Variants in PAX2 observed in about 807,000 individuals in gnomAD.
PAX2 encodes the protein paired box protein Pax-2.
A neutral mutation model predicts 41.7 loss-of-function variants in PAX2; 9 were observed. The observed-to-expected ratio is 0.22, with a 90% CI of 0.13 to 0.38. The LOEUF (loss-of-function observed/expected upper bound fraction) is 0.38, where lower values mean the gene tolerates loss of function less well. Among genes scored for constraint, PAX2 ranks in the 10% least tolerant of loss-of-function variants. The probability of loss-of-function intolerance (pLI) is 1.00; values close to 1 mark genes in which losing one functional copy is unlikely to be tolerated. For missense variants in PAX2, 418 were observed against 531.6 expected (o/e 0.79, Z 2.10); for synonymous variants, 221 against 212.7 (o/e 1.04, Z -0.34).
chr10:100,760,034 A>T (rs1214616241), intron 3 of PAX2, among the ~76,000 whole-genome samples: 1 of 152,136 alleles, frequency 6.6e-6, no homozygotes, highest in African/African-American at 2.4e-5. Context: ...AGAAGCTTTG[A>T]TCCTGATTTT....
intron 7 of PAX2, among the ~76,000 whole-genome samples, chr10:100,821,726 T>A (rs2133979629): frequency 6.6e-6 from 1 of 152,328 alleles, no homozygotes; most frequent in Admixed American, 6.5e-5. Flanking sequence ...AAACCTTAGA[T>A]TATAAGGAAT....
chr10:100,749,728 T>C lies in PAX2; in HGVS notation c.44-18T>C. 1 of 1,605,486 alleles carries C rather than the reference T, an allele frequency of 6.2e-7. No individual in the cohort carries two copies. Among genetic ancestry groups the C allele is most frequent in the Non-Finnish European group, 8.5e-7 (1 of 1,174,202 alleles). On this transcript the variant is annotated intron_variant, in intron 1 of 9. Coordinates refer to ENST00000355243, the MANE Select transcript of PAX2 (RefSeq NM_000278.5). Reference sequence around the variant, plus strand: ...TGCTGTGTGTGGGGTGTTGTGTTTTTTTCTTGTCTCTCCCCAGCAGGGCAC... The same window carrying C: ...TGCTGTGTGTGGGGTGTTGTGTTTTCTTCTTGTCTCTCCCCAGCAGGGCAC...
chr10:100,735,820 C>T (rs1844764758), intron 1 of PAX2: 2 of 870,230 alleles, frequency 2.3e-6, no homozygotes, highest in Non-Finnish European at 2.8e-6. Flanking sequence ...GGCTCCTCTC[C>T]TCTTTCATCC....
intron 3 of PAX2, among the ~76,000 whole-genome samples, chr10:100,753,917 G>T (rs1355661776): frequency 3.3e-5 from 5 of 152,190 alleles, no homozygotes; most frequent in Non-Finnish European, 7.3e-5. Flanking sequence ...CCTCCCCACT[G>T]CCACAAACCA....
intron 5 of PAX2, among the ~76,000 whole-genome samples, chr10:100,788,666 T>A (rs530391661): frequency 1.3e-5 from 2 of 152,122 alleles, no homozygotes; most frequent in Non-Finnish European, 2.9e-5. Flanking sequence ...GGGATCTGAG[T>A]GCTCCCTGCT....
rs1275584088 is a variant in PAX2 at position 100,748,912 on chromosome 10, G to GCC, written c.44-831_44-830dup. On this transcript the variant is annotated intron_variant, in intron 1 of 9. Transcript: ENST00000355243. This position sits in a 1 kb window ranked among gnomAD's most constrained non-coding sequence, Gnocchi z 5.0. ...CCGTGCCACCTGGGCGAGACGGTGG[G>GCC]CCCCAACCAGGCTCTGCGAGGCGCG... is the stretch of plus-strand genomic sequence containing the variant. The GCC allele has an allele frequency of 1.0e-6, 1 of 985,260 alleles. No individual in the cohort carries two copies. The highest frequency in any genetic ancestry group is 1.2e-6 in the Non-Finnish European group (1 of 829,922). The allele number at this position is 985,260 out of a possible 1,614,324, so 61.0% of individuals were successfully genotyped here. A position where few individuals can be genotyped will look rare whatever the true frequency, so the allele number is the denominator to read the frequency against.
chr10:100,742,306 C>T (rs1384489045), upstream of PAX2, among the ~76,000 whole-genome samples: 1 of 152,166 alleles, frequency 6.6e-6, no homozygotes, highest in East Asian at 1.9e-4. Context: ...GCCCTGGAGT[C>T]GCGCTTGGCT....
intron 7 of PAX2, among the ~76,000 whole-genome samples, chr10:100,817,874 G>A (rs928180319): frequency 3.3e-5 from 5 of 152,156 alleles, no homozygotes; most frequent in Non-Finnish European, 7.4e-5. Flanking sequence ...CATCTTGTGT[G>A]GATTTAAAGT....
rs566628791 is a variant in PAX2 at position 100,823,323 on chromosome 10, A to C, written c.920-1325A>C. ...TCAGCAGGGTACTAGAAATGCAAAA[A>C]CCTGAGCTGTAGCTCTGTATAGCTA... On this transcript the variant is annotated intron_variant, in intron 7 of 9. Transcript: ENST00000355243. Among the ~76,000 whole-genome samples, 174 of 152,296 alleles carry C rather than the reference A, an allele frequency of 1.1e-3. 2 individuals carry two copies. The highest frequency in any genetic ancestry group is 6.8e-3 in the Middle Eastern group (2 of 294).
intron 3 of PAX2, among the ~76,000 whole-genome samples, chr10:100,758,436 G>A (rs559681758): frequency 6.6e-5 from 10 of 152,282 alleles, no homozygotes; most frequent in South Asian, 2.1e-4. Flanking sequence ...CACCGCGCCC[G>A]GCCGTCAGGT....
chr10:100,736,252 A>G (rs1216057506), intron 1 of PAX2, among the ~76,000 whole-genome samples: 1 of 152,136 alleles, frequency 6.6e-6, no homozygotes, highest in Non-Finnish European at 1.5e-5. Context: ...CCCCAAATCA[A>G]GGGCAGCATG....
At chr10:100,745,273 A>G (rs1166306643), upstream of PAX2, among the ~76,000 whole-genome samples, 4 of 152,144 alleles carry the variant, frequency 2.6e-5, no homozygotes, top group South Asian at 2.1e-4. Flanking sequence ...TTCTCAGTGT[A>G]GTTTTAATCC....
At chr10:100,825,040 C>T in intron 8 of PAX2, 1 of 1,357,888 alleles carries the variant, frequency 7.4e-7, no homozygotes, top group Non-Finnish European at 1.1e-6. Flanking sequence ...CCGAGGAGCA[C>T]TCAGCCTCAG....
intron 3 of PAX2, among the ~76,000 whole-genome samples, chr10:100,778,215 A>G (rs1393140235): frequency 6.6e-6 from 1 of 152,220 alleles, no homozygotes; most frequent in African/African-American, 2.4e-5. Flanking sequence ...CATGCAGCCC[A>G]GTGTCCTTTC....
rs185490896 is a variant in PAX2 at position 100,820,455 on chromosome 10, A to T, written c.920-4193A>T. Among the ~76,000 whole-genome samples the T allele has an allele frequency of 3.4e-3, 512 of 152,352 alleles. 2 individuals are homozygous for T. Among genetic ancestry groups the T allele is most frequent in the Middle Eastern group, 0.01 (3 of 294 alleles). ...TAACCTTGGCCAGGCGCGGTGGCTT[A>T]TGCCTGTAATCCCAGCACTTTTGGA... On this transcript the variant is annotated intron_variant, in intron 7 of 9. Transcript: ENST00000355243.
chr10:100,806,694 T>G, intron 6 of PAX2, 89 bp downstream of exon 6: 1 of 1,066,944 alleles, frequency 9.4e-7, no homozygotes, highest in Non-Finnish European at 1.4e-6. Flanking sequence ...ACCACATGCA[T>G]AGCCAGCATT....
intron 7 of PAX2, among the ~76,000 whole-genome samples, chr10:100,814,087 G>A (rs1848098584): frequency 1.3e-5 from 2 of 152,074 alleles, no homozygotes; most frequent in South Asian, 4.2e-4. Flanking sequence ...GGTGGCTCAC[G>A]CCTGTAATCC....
chr10:100,745,814 G>A lies in PAX2; in HGVS notation c.-447G>A. 7 of 1,095,696 alleles carry A rather than the reference G, an allele frequency of 6.4e-6. No homozygotes were observed. The highest frequency in any genetic ancestry group is 7.8e-6 in the Non-Finnish European group (7 of 900,606). 67.9% of individuals were successfully genotyped at this position (1,095,696 alleles called of 1,614,324 possible). On this transcript the variant is annotated 5_prime_UTR_variant, in exon 1 of 10. Transcript: ENST00000355243. Reference sequence around the variant, plus strand: ...CGCCAACTCGCCAGCACTTGGAGAGGCCCGGCTCCCCTCCCGGCGCCCTCT... The same window carrying A: ...CGCCAACTCGCCAGCACTTGGAGAGACCCGGCTCCCCTCCCGGCGCCCTCT...
intron 5 of PAX2, among the ~76,000 whole-genome samples, chr10:100,787,620 C>T (rs191242983): frequency 1.5e-3 from 222 of 152,174 alleles, no homozygotes; most frequent in Admixed American, 4.2e-3. Flanking sequence ...TTTTTCCCAA[C>T]GCTGGGCAGG....
Sources: gnomAD v4.1 joint callset for allele counts (sites outside exome capture counted in the v4.1 genomes callset) on GRCh38, gnomAD v4.1.1 for gene constraint, Gnocchi (gnomAD v3.1) non-coding constraint, MANE v1.5 for transcripts, NCBI Gene and HGNC (gene_info 2026-07-23, HGNC 2026-07-21) for gene names.